The following NFKBIE variants were observed in gnomAD, a reference collection of about 807,000 sequenced individuals.
NFKBIE encodes the protein NFKB inhibitor epsilon.
A neutral mutation model predicts 31.6 loss-of-function variants in NFKBIE; 11 were observed. The ratio of observed to expected loss-of-function variants is 0.35; its 90% CI spans 0.22 to 0.58. NFKBIE has a LOEUF of 0.58. Among genes scored for constraint, NFKBIE ranks in the 20% least tolerant of loss-of-function variants. The probability of loss-of-function intolerance (pLI) is 0.83; values close to 1 mark genes in which losing one functional copy is unlikely to be tolerated. For missense variants in NFKBIE, 354 were observed against 465.7 expected, an observed-to-expected ratio of 0.76 and a Z score of 2.21; for synonymous variants, 208 against 210.1, an observed-to-expected ratio of 0.99 and a Z score of 0.09.
In NFKBIE at chr6:44,260,860, GACACACACACAC is replaced by G. The variant is rs71547856; in HGVS notation, c.692-333_692-322del. On this transcript the variant is annotated intron_variant, in intron 3 of 5. Transcript: ENST00000619360. This position sits in a 1 kb window ranked among gnomAD's most constrained non-coding sequence, Gnocchi z 5.5. ...ACACACACACACACACACACATACA[GACACACACACAC>G]ACACACACACACACACACAACCTGC... Among the ~76,000 whole-genome samples, 10 of 135,530 alleles carry G rather than the reference GACACACACACAC, an allele frequency of 7.4e-5. No individual in the cohort carries two copies. The highest frequency in any genetic ancestry group is 1.7e-4 in the African/African-American group (6 of 34,936). The allele number at this position is 135,530 out of a possible 152,430, so 88.9% of individuals were successfully genotyped here.
chr6:44,259,380 C>G (rs1781808071), intron 5 of NFKBIE, 96 bp from the exon 6 acceptor site: 1 of 851,450 alleles, frequency 1.2e-6, no homozygotes, highest in African/African-American at 1.7e-5. Flanking sequence ...CACTCCCTCC[C>G]CACCAAATGA....
chr6:44,261,810 G>A lies in NFKBIE; in HGVS notation c.507C>T (p.Gly169=), dbSNP rs762934944. 5 of 1,612,320 alleles carry A rather than the reference G, an allele frequency of 3.1e-6. No individual in the cohort carries two copies. Among genetic ancestry groups the A allele is most frequent in the African/African-American group, 1.3e-5 (1 of 74,918 alleles). Residue 169 remains glycine, a synonymous_variant, in exon 3 of 6, where the codon GGC becomes GGT. Transcript: ENST00000619360. The surrounding 1 kb of genome is among the most constrained non-coding windows in gnomAD (Gnocchi z 4.3). The stretch of plus-strand genomic sequence containing the variant: ...CCTTCAGCACCAGTGCCCGAACTGC[G>A]CCCGGTTGGTCCAGATGTACAGCCA... ...LHLAVHLDQP[G]AVRALVLKGA... is the part of the protein sequence containing the mutation.
At chr6:44,259,544 G>GC (rs780619828) in intron 5 of NFKBIE, among the ~76,000 whole-genome samples, 52 of 141,694 alleles carry the variant, frequency 3.7e-4, no homozygotes, top group Non-Finnish European at 5.4e-4. Context: ...AGGTGATCCA[G>GC]CCCATGGACC....
rs992404374 is a variant in NFKBIE, at chr6:44,260,611, C to A, written c.692-72G>T. On this transcript the variant is annotated intron_variant, in intron 3 of 5. Transcript: ENST00000619360. This position sits in a 1 kb window ranked among gnomAD's most constrained non-coding sequence, Gnocchi z 5.5. ...CCAACTCCCTCTCTTCTGGGACCTC[C>A]CTACCACTCAGCCCCAAGGGACTCA... The A allele has an allele frequency of 6.9e-7, 1 of 1,440,292 alleles. No individual in the cohort carries two copies. Among genetic ancestry groups the A allele is most frequent in the African/African-American group, 1.4e-5 (1 of 71,552 alleles). The allele number at this position is 1,440,292 out of a possible 1,614,324, so 89.2% of individuals were successfully genotyped here. A position where few individuals can be genotyped will look rare whatever the true frequency, so the allele number is the denominator to read the frequency against.
In NFKBIE at chr6:44,263,035, G is replaced by C. The variant is rs1781979894; in HGVS notation, c.366-373C>G. Reference sequence around the variant, plus strand: ...CGAAGTAGTCCAGAGGGGGTTTCCAGGGCTAAGCACCCCACCACCCCAGCA... The same window carrying C: ...CGAAGTAGTCCAGAGGGGGTTTCCACGGCTAAGCACCCCACCACCCCAGCA... On this transcript the variant is annotated intron_variant, in intron 1 of 5. Coordinates refer to ENST00000619360, the MANE Select transcript of NFKBIE (RefSeq NM_004556.3). The surrounding 1 kb of genome is among the most constrained non-coding windows in gnomAD (Gnocchi z 5.0). 6.6e-6 allele frequency among the ~76,000 whole-genome samples: 1 copy of C among 152,206 alleles called. No individual in the cohort carries two copies. Among genetic ancestry groups the C allele is most frequent in the African/African-American group, 2.4e-5 (1 of 41,434 alleles).
At position 44,258,598 on chromosome 6, in the gene NFKBIE, C is replaced by T. The variant is rs1002861252; in HGVS notation, c.*621G>A. 4.6e-5 allele frequency: 7 copies of T among 152,596 alleles called. No homozygotes were observed. Among genetic ancestry groups the T allele is most frequent in the African/African-American group, 1.7e-4 (7 of 41,466 alleles). 9.5% of individuals were successfully genotyped at this position (152,596 alleles called of 1,614,324 possible). A position where few individuals can be genotyped will look rare whatever the true frequency, so the allele number is the denominator to read the frequency against. On this transcript the variant is annotated 3_prime_UTR_variant, in exon 6 of 6. Coordinates refer to ENST00000619360, the MANE Select transcript of NFKBIE (RefSeq NM_004556.3). ...GGGGACAATTTCCTTCTCTCTGCCT[C>T]TACCACAAAGTCACAGGGCAGGCCT... is the stretch of plus-strand genomic sequence containing the variant.
rs772291298 is a variant in NFKBIE, at chr6:44,261,480, A to G, written c.691+146T>C. 1.9e-5 allele frequency: 14 copies of G among 745,276 alleles called. No homozygotes were observed. Among genetic ancestry groups the G allele is most frequent in the African/African-American group, 3.5e-5 (2 of 56,530 alleles). The allele number at this position is 745,276 out of a possible 1,614,324, so 46.2% of individuals were successfully genotyped here. A position where few individuals can be genotyped will look rare whatever the true frequency, so the allele number is the denominator to read the frequency against. ...AAATCATCCATTCATTCATTTGGCA[A>G]AGATGTACTGAATATCTATGTGCTT... On this transcript the variant is annotated intron_variant, in intron 3 of 5. Coordinates refer to ENST00000619360, the MANE Select transcript of NFKBIE (RefSeq NM_004556.3). This position sits in a 1 kb window ranked among gnomAD's most constrained non-coding sequence, Gnocchi z 4.3.
In NFKBIE at chr6:44,261,735, C is replaced by T. The variant is rs1781927680; in HGVS notation, c.582G>A (p.Val194=). ...AGGCCAAGTGCTGGCGCTGGCAGGCCACATGAAGGGCTGTGTCACCATGCC... is the reference window on the plus strand; with the variant it reads ...AGGCCAAGTGCTGGCGCTGGCAGGCTACATGAAGGGCTGTGTCACCATGCC... ...QDRHGDTALH[V]ACQRQHLACA... is the part of the protein sequence containing the mutation. Residue 194 remains valine (V), a synonymous_variant, in exon 3 of 6, where the codon GTG becomes GTA. Transcript: ENST00000619360. The surrounding 1 kb of genome is among the most constrained non-coding windows in gnomAD (Gnocchi z 4.3). 3.1e-6 allele frequency: 5 copies of T among 1,614,088 alleles called. No individual in the cohort carries two copies. The highest frequency in any genetic ancestry group is 4.2e-6 in the Non-Finnish European group (5 of 1,180,034).
At position 44,262,674 on chromosome 6, in the gene NFKBIE, G is replaced by A. The variant is rs1210474444; in HGVS notation, c.366-12C>T. On this transcript the variant is annotated splice_polypyrimidine_tract_variant and intron_variant, in intron 1 of 5. Transcript: ENST00000619360. ...CCAGGTGGACCAGCCTAGGGGAGCA[G>A]AGGCGGGGCTTAGAGTTAAGGGCCC... is the stretch of plus-strand genomic sequence containing the variant. 2 of 1,611,378 alleles carry A rather than the reference G, an allele frequency of 1.2e-6. No homozygotes were observed.
intron 5 of NFKBIE, 53 bp downstream of exon 5, chr6:44,259,990 T>C (rs1781836950): frequency 1.3e-6 from 2 of 1,583,378 alleles, no homozygotes; most frequent in Non-Finnish European, 1.7e-6. Flanking sequence ...TGACAGAACC[T>C]CTCTCTGCTA....
At position 44,260,077 on chromosome 6, in the gene NFKBIE, A is replaced by C; in HGVS notation, c.986T>G (p.Val329Gly). 2.5e-6 allele frequency: 4 copies of C among 1,614,180 alleles called. No homozygotes were observed. Among genetic ancestry groups the C allele is most frequent in the Non-Finnish European group, 3.4e-6 (4 of 1,180,014 alleles). Residue 329 changes from valine to glycine, a missense_variant, in exon 5 of 6, where the codon GTG (valine) becomes GGG (glycine). Physicochemically the swap from Val to Gly is moderately radical, Grantham distance 109 (BLOSUM62 -3). Around this residue, in one of 2 missense-constraint regions of NFKBIE, gnomAD observed 183 missense variants for 310.6 expected, o/e 0.59. Coordinates refer to ENST00000619360, the MANE Select transcript of NFKBIE (RefSeq NM_004556.3). This position sits in a 1 kb window ranked among gnomAD's most constrained non-coding sequence, Gnocchi z 5.5. Reference sequence around the variant, plus strand: ...CAGGTCCTGGGGCGTCTCATCCTCCACATTCCGCAGCAGGGAGTCAGCACC... The same window carrying C: ...CAGGTCCTGGGGCGTCTCATCCTCCCCATTCCGCAGCAGGGAGTCAGCACC... ...KAGADSLLRN[V>G]EDETPQDLTE...
rs1238441517 is a variant in NFKBIE at position 44,261,765 on chromosome 6, C to T, written c.552G>A (p.Gln184=). The T allele has an allele frequency of 1.2e-6, 2 of 1,613,916 alleles. No individual in the cohort carries two copies. The highest frequency in any genetic ancestry group is 8.5e-7 in the Non-Finnish European group (1 of 1,180,018). The change falls in exon 3 of 6, where the codon CAG becomes CAA. Residue 184 remains glutamine, a synonymous_variant. Coordinates refer to ENST00000619360, the MANE Select transcript of NFKBIE (RefSeq NM_004556.3). The surrounding 1 kb of genome is among the most constrained non-coding windows in gnomAD (Gnocchi z 4.3). ...GAAGGGCTGTGTCACCATGCCGGTCCTGTAGTGCCCGGCTGGCCCCCTTCA... is the reference window on the plus strand; with the variant it reads ...GAAGGGCTGTGTCACCATGCCGGTCTTGTAGTGCCCGGCTGGCCCCCTTCA... ...LVLKGASRAL[Q]DRHGDTALHV...
chr6:44,260,604 G>C lies in NFKBIE; in HGVS notation c.692-65C>G. The C allele has an allele frequency of 6.7e-7, 1 of 1,496,264 alleles. No individual in the cohort carries two copies. Among genetic ancestry groups the C allele is most frequent in the Non-Finnish European group, 9.3e-7 (1 of 1,074,456 alleles). 92.7% of individuals were successfully genotyped at this position (1,496,264 alleles called of 1,614,324 possible). A position where few individuals can be genotyped will look rare whatever the true frequency, so the allele number is the denominator to read the frequency against. On this transcript the variant is annotated intron_variant, in intron 3 of 5. Coordinates refer to ENST00000619360, the MANE Select transcript of NFKBIE (RefSeq NM_004556.3). This position sits in a 1 kb window ranked among gnomAD's most constrained non-coding sequence, Gnocchi z 5.5. ...GCATCCACCAACTCCCTCTCTTCTG[G>C]GACCTCCCTACCACTCAGCCCCAAG...
Position 44,263,724 on chromosome 6 carries a change from G to A in NFKBIE, c.366-1062C>T, listed in dbSNP as rs924863632. 6.6e-6 allele frequency among the ~76,000 whole-genome samples: 1 copy of A among 152,068 alleles called. No homozygotes were observed. Among genetic ancestry groups the A allele is most frequent in the Non-Finnish European group, 1.5e-5 (1 of 67,996 alleles). ...CCACAGCCCAGACACCTCCAACAGA[G>A]GGAGGAAAGTGCCCCCTGCTCTCTG... On this transcript the variant is annotated intron_variant, in intron 1 of 5. Transcript: ENST00000619360. This position sits in a 1 kb window ranked among gnomAD's most constrained non-coding sequence, Gnocchi z 5.0.
Position 44,260,183 on chromosome 6 carries a change from G to A in NFKBIE, c.880C>T (p.Arg294Cys), listed in dbSNP as rs771728029. 5.6e-6 allele frequency: 9 copies of A among 1,614,062 alleles called. No homozygotes were observed. The highest frequency in any genetic ancestry group is 1.1e-5 in the South Asian group (1 of 91,082). ...AGGGGTGTGCACCCGTTCAGCATGC[G>A]GGCATCTACCTGGGCACCAGCCTGG... Reference protein sequence around the residue: ...LLQAGAQVDARMLNGCTPLHL... With the variant: ...LLQAGAQVDACMLNGCTPLHL... Residue 294 changes from arginine to cysteine, a missense_variant, in exon 5 of 6, where the codon CGC (arginine) becomes TGC (cysteine). Physicochemically the swap from Arg to Cys is radical, Grantham distance 180. Transcript: ENST00000619360. The surrounding 1 kb of genome is among the most constrained non-coding windows in gnomAD (Gnocchi z 5.5).
In NFKBIE at chr6:44,261,608, C is replaced by T. The variant is rs745363544; in HGVS notation, c.691+18G>A. 53 of 1,613,266 alleles carry T rather than the reference C, an allele frequency of 3.3e-5. No homozygotes were observed. In the Middle Eastern group the frequency reaches 5.0e-4, roughly 15 times the overall value. ...TCATCCCACAGGCCCTAAGGGCAGTCTTAAAGACTGTCCACACCTTGCCAG... is the reference window on the plus strand; with the variant it reads ...TCATCCCACAGGCCCTAAGGGCAGTTTTAAAGACTGTCCACACCTTGCCAG... On this transcript the variant is annotated intron_variant, in intron 3 of 5. Coordinates refer to ENST00000619360, the MANE Select transcript of NFKBIE (RefSeq NM_004556.3). This position sits in a 1 kb window ranked among gnomAD's most constrained non-coding sequence, Gnocchi z 4.3.
In NFKBIE at chr6:44,260,151, C is replaced by T. The variant is rs1320689673; in HGVS notation, c.912G>A (p.Leu304=). The part of the protein sequence containing the change: ...RMLNGCTPLH[L]AAGRGLMGIS... ...TGCCCATGAGACCCCGGCCAGCTGC[C>T]AGGTGCAGGGGTGTGCACCCGTTCA... Residue 304 remains leucine, a synonymous_variant, in exon 5 of 6, where the codon CTG becomes CTA. Coordinates refer to ENST00000619360, the MANE Select transcript of NFKBIE (RefSeq NM_004556.3). The surrounding 1 kb of genome is among the most constrained non-coding windows in gnomAD (Gnocchi z 5.5). 6.2e-7 allele frequency: 1 copy of T among 1,614,232 alleles called. No individual in the cohort carries two copies. The highest frequency in any genetic ancestry group is 8.5e-7 in the Non-Finnish European group (1 of 1,180,040).
rs138519891 is a variant in NFKBIE, at chr6:44,259,031, G to T, written c.*188C>A. 3.8e-6 allele frequency: 2 copies of T among 520,678 alleles called. No individual in the cohort carries two copies. Among genetic ancestry groups the T allele is most frequent in the Non-Finnish European group, 7.0e-6 (2 of 287,524 alleles). The allele number at this position is 520,678 out of a possible 1,614,324, so 32.3% of individuals were successfully genotyped here. On this transcript the variant is annotated 3_prime_UTR_variant, in exon 6 of 6. Coordinates refer to ENST00000619360, the MANE Select transcript of NFKBIE (RefSeq NM_004556.3). ...TCCACCTGGAAAGCTCTTCCTTCCA[G>T]ACTGGCTCTCTTCCACTTGCAGTCC...
At chr6:44,259,975 G>A in intron 5 of NFKBIE, 68 bp downstream of exon 5, 2 of 1,567,210 alleles carry the variant, frequency 1.3e-6, no homozygotes, top group Non-Finnish European at 1.7e-6. Context: ...GGCCCTTTCA[G>A]CTAATGACAG....
Sources: gnomAD v4.1 joint callset for allele counts (sites outside exome capture counted in the v4.1 genomes callset) on GRCh38, gnomAD v4.1.1 for gene constraint, gnomAD v4.1.1 regional missense constraint, Gnocchi (gnomAD v3.1) non-coding constraint, MANE v1.5 for transcripts, NCBI Gene and HGNC (gene_info 2026-07-23, HGNC 2026-07-21) for gene names.